PLXNA4: variants seen among roughly 807,000 people sequenced by gnomAD.
PLXNA4 encodes the protein plexin-A4.
PLXNA4 carries 44 observed loss-of-function variants against 191.8 expected under a neutral mutation model. That is an observed-to-expected ratio of 0.23 (90% confidence interval 0.18 to 0.29). PLXNA4 has a LOEUF of 0.29. Among genes scored for constraint, PLXNA4 ranks in the 10% least tolerant of loss-of-function variants. The probability of loss-of-function intolerance (pLI) is 1.00; values close to 1 mark genes in which losing one functional copy is unlikely to be tolerated. For missense variants in PLXNA4, 1,800 were observed against 2,488.8 expected (o/e 0.72, Z 5.89); for synonymous variants, 1,082 against 1,009.5 (o/e 1.07, Z -1.36).
chr7:132,646,713 G>A (rs1000732998), intron 1 of PLXNA4, among the ~76,000 whole-genome samples: 4 of 152,060 alleles, frequency 2.6e-5, no homozygotes, highest in South Asian at 2.1e-4. Flanking sequence ...GAGCCCTACT[G>A]GTGGGCTCAT....
chr7:132,609,927 C>T (rs1237914079), intron 2 of PLXNA4, among the ~76,000 whole-genome samples: 1 of 152,104 alleles, frequency 6.6e-6, no homozygotes, highest in Admixed American at 6.5e-5. Context: ...CATTTTTTCC[C>T]ATTTCTCCAG....
At position 132,145,176 on chromosome 7, in the gene PLXNA4, T is replaced by C; in HGVS notation, c.5168A>G (p.Gln1723Arg). ...GTCATGAATGCCATGTTTATCAGCCTGCTCATCCAGGAAGTCAAACATGTA... is the reference window on the plus strand; with the variant it reads ...GTCATGAATGCCATGTTTATCAGCCCGCTCATCCAGGAAGTCAAACATGTA... ...IKYMFDFLDEQADKHGIHDPH... is the reference protein window; with the variant it reads ...IKYMFDFLDERADKHGIHDPH... Residue 1723 changes from glutamine (Q) to arginine (R), a missense_variant, in exon 29 of 32, where the codon CAG (glutamine) becomes CGG (arginine). Physicochemically the swap from Gln to Arg is conservative, Grantham distance 43. Coordinates refer to ENST00000321063, the MANE Select transcript of PLXNA4 (RefSeq NM_020911.2). 6.2e-7 allele frequency: 1 copy of C among 1,614,196 alleles called. No individual in the cohort carries two copies. The highest frequency in any genetic ancestry group is 8.5e-7 in the Non-Finnish European group (1 of 1,180,034).
chr7:132,224,129 T>C (rs968743533), intron 8 of PLXNA4, among the ~76,000 whole-genome samples: 13 of 152,082 alleles, frequency 8.5e-5, no homozygotes, highest in Non-Finnish European at 1.8e-4. Flanking sequence ...ACCTTTCCCC[T>C]TTACCCCAGG....
At chr7:132,632,345 T>C (rs1032163385) in intron 2 of PLXNA4, among the ~76,000 whole-genome samples, 1 of 151,768 alleles carries the variant, frequency 6.6e-6, no homozygotes, top group African/African-American at 2.4e-5. Context: ...GTAATGGAAA[T>C]CTTTAGAAGT....
At chr7:132,551,619 C>T (rs1800564907) in intron 1 of PLXNA4, among the ~76,000 whole-genome samples, 1 of 152,162 alleles carries the variant, frequency 6.6e-6, no homozygotes, top group Non-Finnish European at 1.5e-5. Flanking sequence ...CAGCCCTGTA[C>T]TGTACTCTCT....
chr7:132,227,621 G>GT lies in PLXNA4; in HGVS notation c.1729-18_1729-17insA, dbSNP rs1562978833. On this transcript the variant is annotated splice_polypyrimidine_tract_variant and intron_variant, in intron 6 of 31. Transcript: ENST00000321063. Reference sequence around the variant, plus strand: ...CAGGACCAGCTGTGAACAGCCAGGCGGGGGGAGAGAAGGAGGAGGGTGAAA... The same window carrying GT: ...CAGGACCAGCTGTGAACAGCCAGGCGTGGGGGAGAGAAGGAGGAGGGTGAAA... 8 of 1,613,934 alleles carry GT rather than the reference G, an allele frequency of 5.0e-6. No homozygotes were observed. In the South Asian group the frequency reaches 8.8e-5, roughly 18 times the overall value.
intron 3 of PLXNA4, among the ~76,000 whole-genome samples, chr7:132,337,104 G>C (rs1054199073): frequency 1.3e-5 from 2 of 152,212 alleles, no homozygotes; most frequent in Non-Finnish European, 2.9e-5. Flanking sequence ...AAAAGCGGTG[G>C]CAATGTGTCC....
At chr7:132,380,736 C>T (rs1034237592) in intron 3 of PLXNA4, among the ~76,000 whole-genome samples, 2 of 152,198 alleles carry the variant, frequency 1.3e-5, no homozygotes, top group African/African-American at 2.4e-5. Flanking sequence ...GCAGTAGTTT[C>T]CAAACCCTAT....
At chr7:132,357,343 C>G (rs1471484303) in intron 3 of PLXNA4, among the ~76,000 whole-genome samples, 1 of 152,186 alleles carries the variant, frequency 6.6e-6, no homozygotes, top group Non-Finnish European at 1.5e-5. Context: ...TCCTTTGCAT[C>G]CTTCTTGCCT....
chr7:132,311,193 T>TGTGC (rs71178034), intron 3 of PLXNA4, among the ~76,000 whole-genome samples: 1,087 of 89,900 alleles, frequency 0.012, 21 homozygotes, highest in African/African-American at 0.038. Context: ...TGTGTGTGTG[T>TGTGC]GCGCGTGTGG....
At chr7:132,648,604 T>C (rs112585690) in exon 1 of PLXNA4, 141 of 152,324 alleles carry the variant, frequency 9.3e-4, no homozygotes, top group African/African-American at 3.2e-3. Context: ...ACTGGTCTGA[T>C]TGGGCTGTGT....
chr7:132,406,675 G>T (rs1321678899), intron 3 of PLXNA4, among the ~76,000 whole-genome samples: 1 of 152,104 alleles, frequency 6.6e-6, no homozygotes, highest in Non-Finnish European at 1.5e-5. Flanking sequence ...CCAGCCTTCT[G>T]TTTCACAGGT....
intron 3 of PLXNA4, among the ~76,000 whole-genome samples, chr7:132,472,518 C>A (rs981170263): frequency 6.6e-6 from 1 of 152,206 alleles, no homozygotes; most frequent in Non-Finnish European, 1.5e-5. Flanking sequence ...CCTCTCTCAA[C>A]AGACAGCAGC....
chr7:132,348,543 C>CTCCAT, intron 3 of PLXNA4, among the ~76,000 whole-genome samples: 1 of 152,226 alleles, frequency 6.6e-6, no homozygotes, highest in African/African-American at 2.4e-5. Context: ...GTACAACAGG[C>CTCCAT]TGAGGTCAAT....
rs143771503 is a variant in PLXNA4, at chr7:132,124,295, G to A, written c.*6184C>T. ...GTCAACAAGCTAACTAGAACGTCGG[G>A]GAGGGAGAGGAAAGGAGGACAGACA... On this transcript the variant is annotated 3_prime_UTR_variant, in exon 32 of 32. Coordinates refer to ENST00000321063, the MANE Select transcript of PLXNA4 (RefSeq NM_020911.2). The A allele has an allele frequency of 1.3e-5, 2 of 152,314 alleles. No homozygotes were observed. The highest frequency in any genetic ancestry group is 1.9e-4 in the East Asian group (1 of 5,184). 9.4% of individuals were successfully genotyped at this position (152,314 alleles called of 1,614,324 possible). A position where few individuals can be genotyped will look rare whatever the true frequency, so the allele number is the denominator to read the frequency against.
intron 12 of PLXNA4, among the ~76,000 whole-genome samples, chr7:132,199,995 G>GGA (rs956576053): frequency 8.5e-5 from 13 of 152,174 alleles, no homozygotes; most frequent in African/African-American, 2.2e-4. Context: ...AAGGTCAGAG[G>GGA]GAGAGTCTGT....
At chr7:132,147,481 C>T (rs1041093361) in intron 27 of PLXNA4, among the ~76,000 whole-genome samples, 4 of 152,272 alleles carry the variant, frequency 2.6e-5, no homozygotes, top group Middle Eastern at 3.4e-3. Context: ...TGCAGAGCCT[C>T]GCACCTGGTC....
At chr7:132,561,296 T>TC (rs1801030540) in intron 1 of PLXNA4, among the ~76,000 whole-genome samples, 1 of 136,580 alleles carries the variant, frequency 7.3e-6, no homozygotes, top group East Asian at 2.3e-4. Context: ...TCCTCCTCCT[T>TC]CTCCTCCTCT....
chr7:132,208,059 C>T (rs1007850453), intron 10 of PLXNA4, among the ~76,000 whole-genome samples: 1 of 152,148 alleles, frequency 6.6e-6, no homozygotes, highest in Non-Finnish European at 1.5e-5. Context: ...CTGATGGTAC[C>T]CTGTTTTCTG....
Sources: gnomAD v4.1 joint callset for allele counts (sites outside exome capture counted in the v4.1 genomes callset) on GRCh38, gnomAD v4.1.1 for gene constraint, MANE v1.5 for transcripts, NCBI Gene and HGNC (gene_info 2026-07-23, HGNC 2026-07-21) for gene names.